MAP4K4: variants seen among roughly 807,000 people sequenced by gnomAD.
MAP4K4 encodes the protein mitogen-activated protein kinase kinase kinase kinase 4, also known as HPK/GCK-like kinase HGK.
MAP4K4 carries 38 observed loss-of-function variants against 189.6 expected under a neutral mutation model. That is an observed-to-expected ratio of 0.20 (90% confidence interval 0.15 to 0.26). MAP4K4 has a LOEUF of 0.26. Among genes scored for constraint, MAP4K4 ranks in the 10% least tolerant of loss-of-function variants. The pLI is 1.00. For missense variants in MAP4K4, 1,054 were observed against 1,726.9 expected (o/e 0.61, Z 6.91); for synonymous variants, 610 against 624.3 (o/e 0.98, Z 0.34).
intron 3 of MAP4K4, among the ~76,000 whole-genome samples, chr2:101,813,717 C>T (rs2095565328): frequency 6.6e-6 from 1 of 152,144 alleles, no homozygotes; most frequent in Non-Finnish European, 1.5e-5. Context: ...AAGCATCCAA[C>T]AAGATTTTCC....
intron 7 of MAP4K4, among the ~76,000 whole-genome samples, chr2:101,832,070 C>G (rs1339276811): frequency 1.3e-5 from 2 of 152,218 alleles, no homozygotes; most frequent in Admixed American, 6.5e-5. Context: ...AAGGAATACA[C>G]TGGTTTCAAA....
In MAP4K4 at chr2:101,829,142, C is replaced by T. The variant is rs547071745; in HGVS notation, c.418-362C>T. Among the ~76,000 whole-genome samples, 6 of 152,300 alleles carry T rather than the reference C, an allele frequency of 3.9e-5. No homozygotes were observed. The South Asian group carries it at 8.3e-4, about 21-fold the overall frequency. On this transcript the variant is annotated intron_variant, in intron 5 of 32. Transcript: ENST00000324219. ...GATGTGTCTAGTTCAAATATGCCCA[C>T]GGGGTCACCCTCTAGACATTTAGCG...
At chr2:101,718,355 A>G (rs1038472079) in intron 2 of MAP4K4, among the ~76,000 whole-genome samples, 1 of 151,826 alleles carries the variant, frequency 6.6e-6, no homozygotes, top group African/African-American at 2.4e-5. Context: ...GTGCATGGAG[A>G]GGTTAAGTAA....
At chr2:101,892,811 T>C (rs1343855371) in exon 33 of MAP4K4, 1 of 429,612 alleles carries the variant, frequency 2.3e-6, no homozygotes. Flanking sequence ...AGAATTTGTT[T>C]CATGGCTTCA....
intron 3 of MAP4K4, among the ~76,000 whole-genome samples, chr2:101,801,960 G>C (rs1166321527): frequency 6.6e-6 from 1 of 152,154 alleles, no homozygotes; most frequent in East Asian, 1.9e-4. Flanking sequence ...TTTCTGTCCT[G>C]TACCACTTGG....
At chr2:101,745,001 T>C (rs1422453754) in intron 2 of MAP4K4, among the ~76,000 whole-genome samples, 1 of 152,190 alleles carries the variant, frequency 6.6e-6, no homozygotes, top group Non-Finnish European at 1.5e-5. Flanking sequence ...ACTTTGTTGA[T>C]GGTGCAGCAT....
chr2:101,837,344 G>A (rs930581346), intron 9 of MAP4K4, among the ~76,000 whole-genome samples: 1 of 151,634 alleles, frequency 6.6e-6, no homozygotes, highest in African/African-American at 2.4e-5. Context: ...TTTTCTTCAT[G>A]CTTCTCCCTG....
At chr2:101,766,393 T>C (rs532940548) in intron 2 of MAP4K4, among the ~76,000 whole-genome samples, 1 of 152,324 alleles carries the variant, frequency 6.6e-6, no homozygotes, top group South Asian at 2.1e-4. Flanking sequence ...TGATAAGCGT[T>C]ATCATAAATG....
At chr2:101,893,692 C>G (rs1488565843) in exon 33 of MAP4K4, 1 of 153,844 alleles carries the variant, frequency 6.5e-6, no homozygotes, top group African/African-American at 2.4e-5. Flanking sequence ...CTTGAAGCTC[C>G]ATGTCTGTAA....
At chr2:101,784,288 A>ATG (rs111233758) in intron 2 of MAP4K4, among the ~76,000 whole-genome samples, 4,832 of 133,210 alleles carry the variant, frequency 0.036, 246 homozygotes, top group African/African-American at 0.12. Flanking sequence ...GTGTGTGTGT[A>ATG]TGTGTGTGTG....
rs114454342 is a variant in MAP4K4 at position 101,839,569 on chromosome 2, C to T, written c.774-250C>T. On this transcript the variant is annotated intron_variant, in intron 9 of 32. Coordinates refer to ENST00000324219, the Ensembl canonical transcript of MAP4K4. ...AACCCAGTTCATTTAAATCTGACCT[C>T]CTTGTTAGCTCCCTGTTTGTGGTGT... 8.7e-3 allele frequency among the ~76,000 whole-genome samples: 1,330 copies of T among 152,308 alleles called. 20 individuals carry two copies. Among genetic ancestry groups the T allele is most frequent in the African/African-American group, 0.031 (1,268 of 41,552 alleles).
intron 3 of MAP4K4, among the ~76,000 whole-genome samples, chr2:101,814,303 A>G (rs2095594967): frequency 6.6e-6 from 1 of 152,148 alleles, no homozygotes; most frequent in South Asian, 2.1e-4. Flanking sequence ...TCTATTTTCT[A>G]TTTTACCCAA....
exon 33 of MAP4K4, chr2:101,893,356 C>T (rs1488502222): frequency 2.4e-6 from 1 of 423,666 alleles, no homozygotes; most frequent in Non-Finnish European, 4.7e-6. Flanking sequence ...CCAAAGCCGC[C>T]TACTGGTTTG....
At chr2:101,886,308 G>C (rs2098480405) in intron 29 of MAP4K4, among the ~76,000 whole-genome samples, 1 of 152,088 alleles carries the variant, frequency 6.6e-6, no homozygotes, top group Non-Finnish European at 1.5e-5. Flanking sequence ...GAAAAATGGA[G>C]ACCACCAGCA....
intron 27 of MAP4K4, among the ~76,000 whole-genome samples, chr2:101,882,161 G>T (rs2098407699): frequency 6.6e-6 from 1 of 152,152 alleles, no homozygotes; most frequent in African/African-American, 2.4e-5. Context: ...GCCTACCTTT[G>T]ATATTGTCAG....
intron 2 of MAP4K4, 70 bp downstream of exon 2, chr2:101,698,608 G>A: frequency 6.8e-7 from 1 of 1,462,374 alleles, no homozygotes; most frequent in Non-Finnish European, 9.6e-7. Context: ...AGGAGAGGGT[G>A]ATAAACATGC....
At chr2:101,874,024 G>A in intron 25 of MAP4K4, 58 bp from the exon 26 acceptor site, 1 of 1,421,506 alleles carries the variant, frequency 7.0e-7, no homozygotes, top group South Asian at 1.2e-5. Context: ...ACTGGGGAAG[G>A]GAGGCAGGCA....
chr2:101,855,627 T>C (rs1180816708), intron 12 of MAP4K4, among the ~76,000 whole-genome samples: 1 of 152,220 alleles, frequency 6.6e-6, no homozygotes, highest in Non-Finnish European at 1.5e-5. Context: ...TCTTAATGTA[T>C]TTTTCTTCTG....
rs76882779 is a variant in MAP4K4, at chr2:101,765,734, A to G, written c.124-24986A>G. ...TTGTCAAAATATTAACAAGTGTTGA[A>G]TCTAGGTATTAAGTAATCAGATATT... On this transcript the variant is annotated intron_variant, in intron 2 of 32. Transcript: ENST00000324219. Among the ~76,000 whole-genome samples, 339 of 152,300 alleles carry G rather than the reference A, an allele frequency of 2.2e-3. 1 individual carries two copies. The highest frequency in any genetic ancestry group is 3.9e-3 in the Non-Finnish European group (262 of 68,020).
Sources: gnomAD v4.1 joint callset for allele counts (sites outside exome capture counted in the v4.1 genomes callset) on GRCh38, gnomAD v4.1.1 for gene constraint, MANE v1.5 for transcripts, NCBI Gene and HGNC (gene_info 2026-07-23, HGNC 2026-07-21) for gene names.